ADAT1: variants seen among roughly 807,000 people sequenced by gnomAD.
ADAT1 encodes adenosine deaminase tRNA specific 1, also known as tRNA-specific adenosine deaminase 1.
ADAT1 carries 58 observed loss-of-function variants against 58.6 expected under a neutral mutation model. The ratio of observed to expected loss-of-function variants is 0.99; its 90% CI spans 0.80 to 1.23. The LOEUF is 1.23. ADAT1 is among the 50% of genes most tolerant of loss of function. The probability of loss-of-function intolerance (pLI) is 0.00; values close to 1 mark genes in which losing one functional copy is unlikely to be tolerated. For synonymous variants in ADAT1, 254 were observed against 220.8 expected (o/e 1.15, Z -1.33); for missense variants, 741 against 608.6 (o/e 1.22, Z -2.29).
At chr16:75,612,935 G>A in intron 5 of ADAT1, 74 bp from the exon 6 acceptor site, 1 of 1,523,360 alleles carries the variant, frequency 6.6e-7, no homozygotes. Context: ...GGGATCTCTT[G>A]GGAATTCATC....
chr16:75,620,781 T>A lies in ADAT1; in HGVS notation c.19A>T (p.Ile7Phe), dbSNP rs1597146670. Residue 7 changes from isoleucine (I) to phenylalanine (F), a missense_variant, in exon 2 of 10, where the codon ATT (isoleucine) becomes TTT (phenylalanine). Transcript: ENST00000564657. MWTADE[I>F]AQLCYEHYGI... Reference sequence around the variant, plus strand: ...TAGTGTTCATAGCATAGCTGAGCAATCTCATCCGCGGTCCACATGGTCTGA... The same window carrying A: ...TAGTGTTCATAGCATAGCTGAGCAAACTCATCCGCGGTCCACATGGTCTGA... The A allele has an allele frequency of 2.5e-6, 4 of 1,613,312 alleles. No homozygotes were observed. Among genetic ancestry groups the A allele is most frequent in the African/African-American group, 2.7e-5 (2 of 75,010 alleles).
chr16:75,623,191 T>G lies in ADAT1; in HGVS notation c.-810A>C, dbSNP rs2081986217. ...ACAGACTCGGCAAAGTTAGCCCGGA[T>G]AAACCTGCCCCGTCGCCCCAGCGCC... On this transcript the variant is annotated 5_prime_UTR_variant, in exon 1 of 10. Coordinates refer to ENST00000564657, the MANE Select transcript of ADAT1 (RefSeq NM_001324445.2). The G allele has an allele frequency of 6.6e-6, 1 of 151,926 alleles. No homozygotes were observed. Among genetic ancestry groups the G allele is most frequent in the South Asian group, 2.1e-4 (1 of 4,836 alleles). The allele number at this position is 151,926 out of a possible 1,614,324, so 9.4% of individuals were successfully genotyped here. A position where few individuals can be genotyped will look rare whatever the true frequency, so the allele number is the denominator to read the frequency against.
chr16:75,620,867 T>C (rs1484960564), intron 1 of ADAT1, 47 bp from the exon 2 acceptor site: 7 of 1,514,682 alleles, frequency 4.6e-6, no homozygotes, highest in African/African-American at 4.1e-5. Flanking sequence ...GGAGAACCAG[T>C]GCACGATGCT....
intron 2 of ADAT1, 97 bp downstream of exon 2, chr16:75,620,534 G>A (rs2081897946): frequency 2.7e-6 from 4 of 1,492,000 alleles, no homozygotes; most frequent in Non-Finnish European, 3.7e-6. Flanking sequence ...TAACATCGTA[G>A]TTCACACCCT....
intron 5 of ADAT1, 68 bp downstream of exon 5, chr16:75,617,067 AAACCTAC>A (rs1368495365): frequency 1.3e-6 from 2 of 1,507,032 alleles, no homozygotes; most frequent in Non-Finnish European, 1.8e-6. Context: ...TTTTAGGAAA[AAACCTAC>A]CTATGGATAA....
chr16:75,603,981 T>G (rs886502302), intron 8 of ADAT1, among the ~76,000 whole-genome samples: 1 of 152,146 alleles, frequency 6.6e-6, no homozygotes, highest in Non-Finnish European at 1.5e-5. Context: ...ACTTCAGGAA[T>G]TGCTGCTTAA....
rs567204868 is a variant in ADAT1, at chr16:75,598,518, ATTTT to A, written c.*1694_*1697del. Among the ~76,000 whole-genome samples the A allele has an allele frequency of 2.9e-5, 4 of 139,164 alleles. No individual in the cohort carries two copies. Among genetic ancestry groups the A allele is most frequent in the East Asian group, 2.1e-4 (1 of 4,776 alleles). 91.3% of individuals were successfully genotyped at this position (139,164 alleles called of 152,430 possible). On this transcript the variant is annotated 3_prime_UTR_variant, in exon 10 of 10. Coordinates refer to ENST00000564657, the MANE Select transcript of ADAT1 (RefSeq NM_001324445.2). ...ACAACTCTGTGGATATACTAAAAAA[ATTTT>A]TTTTTTTTTTTTTTGAGACAGGATC...
chr16:75,601,272 G>A (rs911101724), intron 9 of ADAT1, among the ~76,000 whole-genome samples: 7 of 151,734 alleles, frequency 4.6e-5, no homozygotes, highest in East Asian at 1.9e-4. Flanking sequence ...CCCAGGAAGC[G>A]GAGGTTCCTG....
intron 8 of ADAT1, among the ~76,000 whole-genome samples, chr16:75,604,647 A>G (rs997010359): frequency 2.6e-5 from 4 of 151,674 alleles, no homozygotes; most frequent in African/African-American, 7.3e-5. Context: ...TATAAAGCGC[A>G]ACTATAAAAA....
chr16:75,607,525 A>C (rs984789063), intron 8 of ADAT1, among the ~76,000 whole-genome samples: 1 of 152,034 alleles, frequency 6.6e-6, no homozygotes, highest in Non-Finnish European at 1.5e-5. Context: ...AAAGACTGTA[A>C]TGAGATACCA....
intron 3 of ADAT1, 26 bp from the exon 4 acceptor site, chr16:75,618,666 G>A (rs1415474407): frequency 1.2e-6 from 2 of 1,612,438 alleles, no homozygotes; most frequent in South Asian, 1.1e-5. Flanking sequence ...GACACCAGGT[G>A]AAGACATATG....
chr16:75,613,010 A>G, intron 5 of ADAT1, 149 bp from the exon 6 acceptor site: 1 of 981,548 alleles, frequency 1.0e-6, no homozygotes, highest in East Asian at 2.6e-5. Context: ...GGCAGAGCCC[A>G]GCAGTGTGTT....
At chr16:75,616,069 C>T (rs904249820) in intron 5 of ADAT1, among the ~76,000 whole-genome samples, 2 of 151,126 alleles carry the variant, frequency 1.3e-5, no homozygotes, top group Non-Finnish European at 2.9e-5. Flanking sequence ...AGTGCAACGG[C>T]GCAATCTCGG....
Position 75,597,586 on chromosome 16 carries a change from G to A in ADAT1, c.*2630C>T, listed in dbSNP as rs1282249324. Among the ~76,000 whole-genome samples the A allele has an allele frequency of 6.6e-6, 1 of 152,180 alleles. No individual in the cohort carries two copies. Among genetic ancestry groups the A allele is most frequent in the Non-Finnish European group, 1.5e-5 (1 of 68,038 alleles). ...AAGTGAATTACATTTACTGTGCACT[G>A]TATTTCTATTATTATTACATCGTAA... On this transcript the variant is annotated 3_prime_UTR_variant, in exon 10 of 10. Coordinates refer to ENST00000564657, the MANE Select transcript of ADAT1 (RefSeq NM_001324445.2).
intron 8 of ADAT1, among the ~76,000 whole-genome samples, chr16:75,607,815 A>G (rs560628118): frequency 3.7e-4 from 57 of 152,350 alleles, no homozygotes; most frequent in African/African-American, 1.3e-3. Flanking sequence ...TATTCACAAT[A>G]GCCAAAGAGT....
In ADAT1 at chr16:75,598,518, A is replaced by ATTT. The variant is rs567204868; in HGVS notation, c.*1695_*1697dup. On this transcript the variant is annotated 3_prime_UTR_variant, in exon 10 of 10. Transcript: ENST00000564657. ...ACAACTCTGTGGATATACTAAAAAA[A>ATTT]TTTTTTTTTTTTTTTTTTGAGACAG... Among the ~76,000 whole-genome samples the ATTT allele has an allele frequency of 7.2e-6, 1 of 139,170 alleles. No homozygotes were observed. Among genetic ancestry groups the ATTT allele is most frequent in the Non-Finnish European group, 1.6e-5 (1 of 63,382 alleles). The allele number at this position is 139,170 out of a possible 152,430, so 91.3% of individuals were successfully genotyped here.
At chr16:75,619,317 G>C (rs2081852165) in intron 3 of ADAT1, among the ~76,000 whole-genome samples, 1 of 152,132 alleles carries the variant, frequency 6.6e-6, no homozygotes, top group Admixed American at 6.5e-5. Context: ...GAGGCTGGGA[G>C]TTTGAGACCA....
chr16:75,602,023 G>GT (rs1344446413), intron 9 of ADAT1: 1 of 150,784 alleles, frequency 6.6e-6, no homozygotes, highest in African/African-American at 2.5e-5. Context: ...CTGATCACAC[G>GT]TGAGTTTCTG....
rs771333986 is a variant in ADAT1 at position 75,612,350 on chromosome 16, T to C, written c.936A>G (p.Gln312=). 13 of 1,614,086 alleles carry C rather than the reference T, an allele frequency of 8.1e-6. No homozygotes were observed. The highest frequency in any genetic ancestry group is 5.0e-5 in the Admixed American group (3 of 60,004). Residue 312 remains glutamine (Q), a synonymous_variant, in exon 6 of 10, where the codon CAA becomes CAG. Coordinates refer to ENST00000564657, the MANE Select transcript of ADAT1 (RefSeq NM_001324445.2). ...KMARWNVLGC[Q]GALLMHLLEE... is the part of the protein sequence containing the mutation. ...CCAGCAAGTGCATCAACAGTGCCCC[T>C]TGGCATCCGAGGACGTTCCATCGGG...
Sources: allele counts gnomAD v4.1 joint callset (sites outside exome capture counted in the v4.1 genomes callset), GRCh38; gene constraint gnomAD v4.1.1; transcripts MANE v1.5; gene names NCBI Gene and HGNC (gene_info 2026-07-23, HGNC 2026-07-21).